The following SAMD5 variants were observed in gnomAD, a reference collection of about 807,000 sequenced individuals.
SAMD5 encodes the protein sterile alpha motif domain containing 5.
A neutral mutation model predicts 11.3 loss-of-function variants in SAMD5; 13 were observed. That is an observed-to-expected ratio of 1.15 (90% CI 0.75 to 1.83). The LOEUF (loss-of-function observed/expected upper bound fraction) is 1.83, where lower values mean the gene tolerates loss of function less well. Ranked by LOEUF, SAMD5 falls within the 40% of genes most tolerant of loss-of-function variation. The probability of loss-of-function intolerance (pLI) is 0.00; values close to 1 mark genes in which losing one functional copy is unlikely to be tolerated. For synonymous variants in SAMD5, 129 were observed against 111.3 expected (o/e 1.16, Z -1.00); for missense variants, 255 against 239.1 (o/e 1.07, Z -0.44).
the SAMD5 span, among the ~76,000 whole-genome samples, chr6:147,858,260 T>A: frequency 6.6e-6 from 1 of 152,166 alleles, no homozygotes; most frequent in Non-Finnish European, 1.5e-5. Context: ...CAGCACTTTG[T>A]TAATAGACCA....
At chr6:147,616,832 T>A (rs1423784589) in intron 1 of SAMD5, among the ~76,000 whole-genome samples, 1 of 152,134 alleles carries the variant, frequency 6.6e-6, no homozygotes, top group Non-Finnish European at 1.5e-5. Flanking sequence ...TTTTAAACCA[T>A]CAGATTTTGT....
chr6:147,729,748 A>G (rs1350208417), intron 1 of SAMD5: 2 of 456,792 alleles, frequency 4.4e-6, no homozygotes, highest in Admixed American at 2.4e-5. Context: ...CATTTTAGGC[A>G]GTGGCAAAGG....
chr6:147,678,842 A>G (rs1161580666), intron 1 of SAMD5, among the ~76,000 whole-genome samples: 1 of 152,308 alleles, frequency 6.6e-6, no homozygotes, highest in East Asian at 1.9e-4. Context: ...CACATATTCC[A>G]AGTGTACAAT....
At chr6:147,790,810 C>G in the SAMD5 span, among the ~76,000 whole-genome samples, 9 of 123,540 alleles carry the variant, frequency 7.3e-5, no homozygotes, top group African/African-American at 1.0e-4. Context: ...CTCTCTCTCT[C>G]TCTCTCTCTC....
the SAMD5 span, among the ~76,000 whole-genome samples, chr6:147,823,469 C>CAACT: frequency 6.6e-6 from 1 of 152,172 alleles, no homozygotes; most frequent in Non-Finnish European, 1.5e-5. Context: ...AATATAATTG[C>CAACT]AACTCTTTAG....
At chr6:147,555,534 G>T (rs897054808) in intron 1 of SAMD5, among the ~76,000 whole-genome samples, 1 of 151,858 alleles carries the variant, frequency 6.6e-6, no homozygotes, top group Non-Finnish European at 1.5e-5. Context: ...TATTTTTTTT[G>T]ATTAGGCTAC....
At chr6:147,866,448 C>T in the SAMD5 span, among the ~76,000 whole-genome samples, 90 of 152,072 alleles carry the variant, frequency 5.9e-4, no homozygotes, top group Admixed American at 6.5e-4. Context: ...AAAAGTGGGA[C>T]GGTAAAGATA....
intron 1 of SAMD5, among the ~76,000 whole-genome samples, chr6:147,703,351 C>T (rs1338649492): frequency 2.0e-5 from 3 of 152,158 alleles, no homozygotes; most frequent in East Asian, 1.9e-4. Flanking sequence ...GGATTATAGG[C>T]GTGAGCCACC....
At chr6:147,510,049 C>CA (rs1788064508) in intron 1 of SAMD5, among the ~76,000 whole-genome samples, 1 of 152,190 alleles carries the variant, frequency 6.6e-6, no homozygotes, top group Admixed American at 6.5e-5. Flanking sequence ...AATCGGGCCA[C>CA]AGGATGTGCT....
chr6:147,941,629 A>G, the SAMD5 span, among the ~76,000 whole-genome samples: 1 of 152,208 alleles, frequency 6.6e-6, no homozygotes, highest in Non-Finnish European at 1.5e-5. Flanking sequence ...ACCACAACAT[A>G]ACAGTATCAA....
At chr6:147,733,074 TA>T (rs1425009382) in intron 1 of SAMD5, among the ~76,000 whole-genome samples, 1 of 152,238 alleles carries the variant, frequency 6.6e-6, no homozygotes, top group Non-Finnish European at 1.5e-5. Flanking sequence ...TCAGGCTGCC[TA>T]CATTTTGACA....
At chr6:147,799,348 G>T in the SAMD5 span, among the ~76,000 whole-genome samples, 1 of 152,028 alleles carries the variant, frequency 6.6e-6, no homozygotes, top group Non-Finnish European at 1.5e-5. Flanking sequence ...GGCTGGATAT[G>T]AAATTCTGGG....
chr6:147,925,583 AAT>A, the SAMD5 span, among the ~76,000 whole-genome samples: 1 of 151,962 alleles, frequency 6.6e-6, no homozygotes, highest in East Asian at 1.9e-4. Flanking sequence ...CTGAAATTTT[AAT>A]AGTTACATAA....
the SAMD5 span, among the ~76,000 whole-genome samples, chr6:147,848,696 C>T: frequency 2.6e-5 from 4 of 152,126 alleles, no homozygotes; most frequent in Non-Finnish European, 5.9e-5. Context: ...GATAAAGCAA[C>T]CCTGTCCATT....
intron 1 of SAMD5, among the ~76,000 whole-genome samples, chr6:147,589,804 G>T (rs1290776499): frequency 6.6e-6 from 1 of 152,176 alleles, no homozygotes; most frequent in Admixed American, 6.5e-5. Flanking sequence ...TAGTATAAAT[G>T]TGATGCCTAA....
intron 1 of SAMD5, among the ~76,000 whole-genome samples, chr6:147,602,525 T>G (rs1789633557): frequency 6.6e-6 from 1 of 152,038 alleles, no homozygotes; most frequent in South Asian, 2.1e-4. Flanking sequence ...GGGTGGATCA[T>G]CTGGGGTCAG....
intron 1 of SAMD5, among the ~76,000 whole-genome samples, chr6:147,725,250 T>A (rs889484337): frequency 6.6e-6 from 1 of 152,202 alleles, no homozygotes; most frequent in Non-Finnish European, 1.5e-5. Flanking sequence ...GAAGGCCCAA[T>A]GCAGACTAGC....
chr6:147,770,082 T>C, the SAMD5 span, among the ~76,000 whole-genome samples: 1 of 152,182 alleles, frequency 6.6e-6, no homozygotes, highest in Non-Finnish European at 1.5e-5. Flanking sequence ...CAGATGATTT[T>C]AAGATTGAAA....
At chr6:147,938,320 G>A in the SAMD5 span, among the ~76,000 whole-genome samples, 1 of 151,510 alleles carries the variant, frequency 6.6e-6, no homozygotes, top group Non-Finnish European at 1.5e-5. Flanking sequence ...TACTAAAAGT[G>A]TATTAATCAA....
Sources: allele counts gnomAD v4.1 joint callset (sites outside exome capture counted in the v4.1 genomes callset), GRCh38; gene constraint gnomAD v4.1.1; transcripts MANE v1.5; gene names NCBI Gene and HGNC (gene_info 2026-07-23, HGNC 2026-07-21).